Variants in FER1L5 observed in about 807,000 individuals in gnomAD.
The protein encoded by FER1L5 is fer-1 like family member 5.
FER1L5 carries 187 observed loss-of-function variants against 279.9 expected under a neutral mutation model. That is an observed-to-expected ratio of 0.67 (90% confidence interval 0.59 to 0.75). The LOEUF is 0.75. FER1L5 is among the 30% of genes least tolerant of loss of function. The pLI, the probability that FER1L5 is intolerant of heterozygous loss-of-function variation, is 0.00. For synonymous variants in FER1L5, 921 were observed against 989.7 expected (o/e 0.93, Z 1.30); for missense variants, 2,091 against 2,594.4 (o/e 0.81, Z 4.21).
chr2:96,644,127 G>A (rs1251980829), intron 1 of FER1L5, among the ~76,000 whole-genome samples: 4 of 145,572 alleles, frequency 2.7e-5, no homozygotes, highest in East Asian at 2.0e-4. Flanking sequence ...AGCGGAGATC[G>A]TACCACAGCA....
At chr2:96,688,379 C>T (rs2077014679) in intron 24 of FER1L5, among the ~76,000 whole-genome samples, 1 of 152,158 alleles carries the variant, frequency 6.6e-6, no homozygotes, top group African/African-American at 2.4e-5. Flanking sequence ...CCTGCAGGCC[C>T]CAGTGGGGTC....
intron 18 of FER1L5, among the ~76,000 whole-genome samples, chr2:96,670,826 C>T (rs1423955010): frequency 3.3e-5 from 5 of 149,830 alleles, no homozygotes; most frequent in Non-Finnish European, 5.9e-5. Context: ...TAATCTGTGC[C>T]GGGCACGATG....
chr2:96,659,677 G>C (rs981154073), intron 9 of FER1L5, among the ~76,000 whole-genome samples: 1 of 150,740 alleles, frequency 6.6e-6, no homozygotes, highest in African/African-American at 2.5e-5. Context: ...ATTTTTAGTA[G>C]AGACAAGGTT....
rs1008610672 is a variant in FER1L5 at position 96,685,391 on chromosome 2, G to A, written c.1857G>A (p.Gln619=). The A allele has an allele frequency of 1.0e-5, 16 of 1,551,162 alleles. No homozygotes were observed. Among genetic ancestry groups the A allele is most frequent in the African/African-American group, 2.7e-5 (2 of 73,012 alleles). The change falls in exon 21 of 53, where the codon CAG becomes CAA. Residue 619 remains glutamine (Q), a synonymous_variant. Transcript: ENST00000624922. ...RNPKDPALLY[Q]WEKLLRELAE... The stretch of plus-strand genomic sequence containing the variant: ...CGAAGGATCCAGCTCTCCTCTACCA[G>A]TGGGAGAAACTGCTGAGGGAGCTGG...
intron 17 of FER1L5, 55 bp downstream of exon 17, chr2:96,669,192 A>G: frequency 6.6e-7 from 1 of 1,505,836 alleles, no homozygotes; most frequent in Admixed American, 2.1e-5. Context: ...TCCCCATGTA[A>G]AGCACTAGGG....
At chr2:96,658,370 G>A (rs2106487742) in intron 9 of FER1L5, among the ~76,000 whole-genome samples, 1 of 146,924 alleles carries the variant, frequency 6.8e-6, no homozygotes, top group South Asian at 2.2e-4. Flanking sequence ...AGGTTGGAGT[G>A]CAGTGGCGCG....
intron 37 of FER1L5, 104 bp from the exon 38 acceptor site, chr2:96,697,422 G>A (rs1036227271): frequency 7.7e-6 from 10 of 1,300,398 alleles, no homozygotes; most frequent in Non-Finnish European, 9.8e-6. Flanking sequence ...AAAGGCAAGG[G>A]CAAGGGCACC....
chr2:96,669,225 C>A, intron 17 of FER1L5, 88 bp downstream of exon 17: 4 of 1,302,888 alleles, frequency 3.1e-6, no homozygotes, highest in Non-Finnish European at 4.1e-6. Context: ...CCCGAGGCCC[C>A]GGCCCTGGTT....
Position 96,697,745 on chromosome 2 carries a change from A to T in FER1L5, c.4220A>T (p.Asp1407Val). Residue 1407 changes from aspartate to valine, a missense_variant, in exon 39 of 53, where the codon GAC (aspartate) becomes GTC (valine). Physicochemically the swap from Asp to Val is radical, Grantham distance 152 (BLOSUM62 -3). Coordinates refer to ENST00000624922, the MANE Select transcript of FER1L5 (RefSeq NM_001293083.2). Reference protein sequence around the residue: ...EHKSLKYKYKDYHTLKVYECE... With the variant: ...EHKSLKYKYKVYHTLKVYECE... ...AAGTCCCTGAAGTACAAGTACAAAG[A>T]CTACCACACCCTCAAGGTTTGAAGG... 1 of 1,614,030 alleles carries T rather than the reference A, an allele frequency of 6.2e-7. No homozygotes were observed. The highest frequency in any genetic ancestry group is 8.5e-7 in the Non-Finnish European group (1 of 1,179,890).
chr2:96,700,534 G>T, intron 45 of FER1L5, 63 bp downstream of exon 45: 1 of 1,601,906 alleles, frequency 6.2e-7, no homozygotes. Context: ...AGACAGAGAT[G>T]CCTGTCCACC....
chr2:96,700,576 G>A (rs2077555045), intron 45 of FER1L5, 105 bp downstream of exon 45: 3 of 1,479,030 alleles, frequency 2.0e-6, no homozygotes, highest in Non-Finnish European at 2.8e-6. Flanking sequence ...AGAAGGACAG[G>A]CCAAACATTT....
At chr2:96,672,979 C>A in intron 18 of FER1L5, 98 bp from the exon 19 acceptor site, 1 of 1,418,260 alleles carries the variant, frequency 7.1e-7, no homozygotes, top group African/African-American at 1.4e-5. Context: ...GGGAAGATGG[C>A]TTTGAAAGAA....
Position 96,702,923 on chromosome 2 carries a change from C to G in FER1L5, c.5398-55C>G. 1 of 1,563,650 alleles carries G rather than the reference C, an allele frequency of 6.4e-7. No individual in the cohort carries two copies. Among genetic ancestry groups the G allele is most frequent in the East Asian group, 2.4e-5 (1 of 42,086 alleles). ...CTGGGTGGAGGGCCACTGAGGGGTGCAAGGGAAACGTCCAGGAGACAGGCC... is the reference window on the plus strand; with the variant it reads ...CTGGGTGGAGGGCCACTGAGGGGTGGAAGGGAAACGTCCAGGAGACAGGCC... On this transcript the variant is annotated intron_variant, in intron 48 of 52. Coordinates refer to ENST00000624922, the MANE Select transcript of FER1L5 (RefSeq NM_001293083.2). The surrounding 1 kb of genome is among the most constrained non-coding windows in gnomAD (Gnocchi z 4.0).
Position 96,689,387 on chromosome 2 carries a change from AG to A in FER1L5, c.2525+16del. On this transcript the variant is annotated intron_variant, in intron 25 of 52. Transcript: ENST00000624922. The surrounding 1 kb of genome is among the most constrained non-coding windows in gnomAD (Gnocchi z 4.6). Reference sequence around the variant, plus strand: ...GGAACCTCAGAGAAGGTAAGGCCAGAGGGGGCAGGCCCCACCAGAGGGGACA... The same window carrying A: ...GGAACCTCAGAGAAGGTAAGGCCAGAGGGGCAGGCCCCACCAGAGGGGACA... 1 of 1,548,562 alleles carries A rather than the reference AG, an allele frequency of 6.5e-7. No individual in the cohort carries two copies. Among genetic ancestry groups the A allele is most frequent in the Non-Finnish European group, 8.7e-7 (1 of 1,146,246 alleles).
At chr2:96,701,442 TTTTC>T (rs1332708639) in intron 45 of FER1L5, among the ~76,000 whole-genome samples, 4 of 152,214 alleles carry the variant, frequency 2.6e-5, no homozygotes, top group African/African-American at 9.6e-5. Flanking sequence ...AGTTCTCCCC[TTTTC>T]TTTCCTTTTC....
rs776667816 is a variant in FER1L5 at position 96,702,008 on chromosome 2, C to T, written c.5124C>T (p.Gly1708=). 23 of 1,613,900 alleles carry T rather than the reference C, an allele frequency of 1.4e-5. No individual in the cohort carries two copies. Among genetic ancestry groups the T allele is most frequent in the African/African-American group, 2.7e-5 (2 of 74,916 alleles). ...DIFPKKLGPP[G]PQVNINPRKP... is the part of the protein sequence containing the mutation. Reference sequence around the variant, plus strand: ...TCCCCAAGAAGCTGGGGCCTCCTGGCCCCCAAGTCAACATCAACCCCAGAA... The same window carrying T: ...TCCCCAAGAAGCTGGGGCCTCCTGGTCCCCAAGTCAACATCAACCCCAGAA... The change falls in exon 46 of 53, where the codon GGC becomes GGT. Residue 1708 remains glycine (G), a synonymous_variant. Transcript: ENST00000624922. The surrounding 1 kb of genome is among the most constrained non-coding windows in gnomAD (Gnocchi z 4.0).
At position 96,699,668 on chromosome 2, in the gene FER1L5, C is replaced by T. The variant is rs367773589; in HGVS notation, c.4729C>T (p.Arg1577Ter). The T allele has an allele frequency of 1.1e-5, 17 of 1,613,900 alleles. No homozygotes were observed. Among genetic ancestry groups the T allele is most frequent in the Middle Eastern group, 1.6e-4 (1 of 6,084 alleles). Residue 1577 changes from arginine (R) to a stop codon, truncating the protein, a stop_gained, in exon 43 of 53, where the codon CGA becomes TGA. Coordinates refer to ENST00000624922, the MANE Select transcript of FER1L5 (RefSeq NM_001293083.2). LOFTEE classifies it high-confidence loss of function. ...AACCACAGTCATCGACCTTGAAAAC[C>T]GACTCCTATCTGGCTTTGGAGCTCA... Reference protein sequence around the residue: ...IGTTVIDLENRLLSGFGAHCG... With the variant: ...IGTTVIDLEN
At position 96,698,764 on chromosome 2, in the gene FER1L5, C is replaced by A; in HGVS notation, c.4450C>A (p.Gln1484Lys). 1 of 1,569,750 alleles carries A rather than the reference C, an allele frequency of 6.4e-7. No homozygotes were observed. Among genetic ancestry groups the A allele is most frequent in the Non-Finnish European group, 8.6e-7 (1 of 1,157,862 alleles). The part of the protein sequence containing the change: ...LVWPEREDFP[Q>K]PCLVRVYMVR... ...TTGGCCAGAGAGAGAGGACTTCCCCCAGCCGTGCTTGGTGCGGGTGTACAT... is the reference window on the plus strand; with the variant it reads ...TTGGCCAGAGAGAGAGGACTTCCCCAAGCCGTGCTTGGTGCGGGTGTACAT... The change falls in exon 41 of 53, where the codon CAG becomes AAG. Residue 1484 changes from glutamine to lysine, a missense_variant. Coordinates refer to ENST00000624922, the MANE Select transcript of FER1L5 (RefSeq NM_001293083.2). The surrounding 1 kb of genome is among the most constrained non-coding windows in gnomAD (Gnocchi z 5.5).
Position 96,695,500 on chromosome 2 carries a change from T to A in FER1L5, c.3742-9T>A. The A allele has an allele frequency of 6.3e-7, 1 of 1,576,460 alleles. No homozygotes were observed. The highest frequency in any genetic ancestry group is 8.6e-7 in the Non-Finnish European group (1 of 1,163,588). On this transcript the variant is annotated splice_polypyrimidine_tract_variant and intron_variant, in intron 34 of 52. Coordinates refer to ENST00000624922, the MANE Select transcript of FER1L5 (RefSeq NM_001293083.2). ...CCCCTTGTCCTGCCCTCCTTCTTTG[T>A]TCTGGTAGATCCTGGCCTGGGGCCT... is the stretch of plus-strand genomic sequence containing the variant.
Sources: allele counts gnomAD v4.1 joint callset (sites outside exome capture counted in the v4.1 genomes callset), GRCh38; gene constraint gnomAD v4.1.1; non-coding constraint Gnocchi (gnomAD v3.1); transcripts MANE v1.5; gene names NCBI Gene and HGNC (gene_info 2026-07-23, HGNC 2026-07-21).